Variants in CSF2RB observed in about 807,000 individuals in gnomAD.
CSF2RB encodes colony stimulating factor 2 receptor subunit beta.
Under a neutral mutation model 67.2 loss-of-function variants are expected in CSF2RB, and 22 were observed. The ratio of observed to expected loss-of-function variants is 0.33; its 90% CI spans 0.23 to 0.47. The LOEUF (loss-of-function observed/expected upper bound fraction) is 0.47, where lower values mean the gene tolerates loss of function less well. CSF2RB is among the 20% of genes least tolerant of loss of function. The pLI is 1.00. For missense variants in CSF2RB, 1,113 were observed against 1,174.5 expected (o/e 0.95, Z 0.76); for synonymous variants, 507 against 482.9 (o/e 1.05, Z -0.65).
chr22:36,923,467 C>T (rs1279351973), intron 3 of CSF2RB, 100 bp downstream of exon 3: 12 of 1,522,614 alleles, frequency 7.9e-6, no homozygotes, highest in East Asian at 4.8e-5. Flanking sequence ...AGGTCAGCCT[C>T]GGGGTGGGAG....
chr22:36,918,068 C>G (rs936565030), intron 1 of CSF2RB, among the ~76,000 whole-genome samples: 2 of 152,212 alleles, frequency 1.3e-5, no homozygotes, highest in East Asian at 3.8e-4. Context: ...AGCCTCACAG[C>G]AAACTCCCAC....
Position 36,939,440 on chromosome 22 carries a change from G to A in CSF2RB, c.*938G>A. The A allele has an allele frequency of 1.7e-6, 1 of 572,894 alleles. No individual in the cohort carries two copies. The highest frequency in any genetic ancestry group is 2.1e-5 in the South Asian group (1 of 48,022). 35.5% of individuals were successfully genotyped at this position (572,894 alleles called of 1,614,324 possible). ...GGTGGCCACTCTTCCAGATAGACCA[G>A]GCAACTCTCCCTCCCACCGGCCACA... On this transcript the variant is annotated 3_prime_UTR_variant, in exon 14 of 14. Coordinates refer to ENST00000403662, the MANE Select transcript of CSF2RB (RefSeq NM_000395.3).
intron 3 of CSF2RB, chr22:36,923,839 C>T (rs1429070328): frequency 6.4e-6 from 8 of 1,245,530 alleles, no homozygotes; most frequent in African/African-American, 4.6e-5. Context: ...GCCCTGGCCA[C>T]GGGGTAGACA....
At position 36,915,145 on chromosome 22, in the gene CSF2RB, T is replaced by G. The variant is rs192022898; in HGVS notation, c.-173+1468T>G. ...TGTCGCCCAGGCTGGAATGCAGTGGTGCAATCTTGGCTCACTGCAACCTCT... is the reference window on the plus strand; with the variant it reads ...TGTCGCCCAGGCTGGAATGCAGTGGGGCAATCTTGGCTCACTGCAACCTCT... On this transcript the variant is annotated intron_variant, in intron 1 of 13. Coordinates refer to ENST00000403662, the MANE Select transcript of CSF2RB (RefSeq NM_000395.3). Among the ~76,000 whole-genome samples the G allele has an allele frequency of 3.4e-4, 52 of 152,272 alleles. No homozygotes were observed. In the East Asian group the frequency reaches 9.4e-3, roughly 28 times the overall value.
intron 2 of CSF2RB, chr22:36,922,595 A>C: frequency 5.9e-6 from 3 of 511,470 alleles, no homozygotes; most frequent in Non-Finnish European, 7.1e-6. Context: ...CCCAGCAGAC[A>C]CTCTCTGTGC....
chr22:36,928,702 G>T (rs868056091), intron 4 of CSF2RB, among the ~76,000 whole-genome samples: 2 of 152,172 alleles, frequency 1.3e-5, no homozygotes, highest in Admixed American at 6.5e-5. Context: ...AGTTGCTTAC[G>T]CGTATTTGTT....
chr22:36,935,801 G>A, intron 12 of CSF2RB, 114 bp downstream of exon 12: 1 of 1,216,858 alleles, frequency 8.2e-7, no homozygotes, highest in Non-Finnish European at 1.2e-6. Context: ...GGATGTAGGT[G>A]GACTGGGCTT....
At chr22:36,934,055 A>G in intron 10 of CSF2RB, 61 bp downstream of exon 10, 1 of 1,597,626 alleles carries the variant, frequency 6.3e-7, no homozygotes, top group East Asian at 2.2e-5. Context: ...TCTCACTGCC[A>G]GAAAATCCCC....
rs573268853 is a variant in CSF2RB at position 36,926,107 on chromosome 22, C to T, written c.321C>T (p.Asp107=). 5.0e-5 allele frequency: 80 copies of T among 1,614,236 alleles called. No homozygotes were observed. Among genetic ancestry groups the T allele is most frequent in the African/African-American group, 2.0e-4 (15 of 75,060 alleles). Residue 107 remains aspartate, a synonymous_variant, in exon 4 of 14, where the codon GAC becomes GAT. Coordinates refer to ENST00000403662, the MANE Select transcript of CSF2RB (RefSeq NM_000395.3). ...CCTGCCAGAGTTTTGTCGTCACTGACGTTGACTACTTCTCATTCCAACCAG... is the reference window on the plus strand; with the variant it reads ...CCTGCCAGAGTTTTGTCGTCACTGATGTTGACTACTTCTCATTCCAACCAG... ...VIPCQSFVVT[D]VDYFSFQPDR...
intron 2 of CSF2RB, 149 bp downstream of exon 2, chr22:36,922,432 C>G (rs1156355792): frequency 1.7e-5 from 12 of 706,794 alleles, no homozygotes; most frequent in Non-Finnish European, 3.0e-5. Flanking sequence ...CCCTGGGCCT[C>G]CCCCGCTTCC....
At chr22:36,923,147 C>A (rs1262334835) in intron 2 of CSF2RB, 97 bp from the exon 3 acceptor site, 1 of 1,585,236 alleles carries the variant, frequency 6.3e-7, no homozygotes, top group Non-Finnish European at 8.6e-7. Flanking sequence ...CCTGGGAGAC[C>A]CCTCCCCAGA....
intron 2 of CSF2RB, chr22:36,922,625 G>T: frequency 2.2e-6 from 1 of 456,270 alleles, no homozygotes; most frequent in Non-Finnish European, 4.0e-6. Flanking sequence ...TCCCACCTCC[G>T]GGACTTTGCT....
intron 1 of CSF2RB, among the ~76,000 whole-genome samples, chr22:36,919,924 C>T (rs977582211): frequency 1.3e-5 from 2 of 152,076 alleles, no homozygotes; most frequent in Admixed American, 6.6e-5. Flanking sequence ...AATAGATGTG[C>T]GCTGTTTTGA....
At position 36,920,977 on chromosome 22, in the gene CSF2RB, T is replaced by C. The variant is rs113781371; in HGVS notation, c.-172-1059T>C. On this transcript the variant is annotated intron_variant, in intron 1 of 13. Transcript: ENST00000403662. ...AGTTTGTTTCCAGCCAGCATGTCCA[T>C]TGATAGATTCTGTGTGTGTGTATGT... 8.3e-3 allele frequency among the ~76,000 whole-genome samples: 1,074 copies of C among 129,522 alleles called. 12 individuals are homozygous for C. The highest frequency in any genetic ancestry group is 0.025 in the African/African-American group (1,010 of 40,138). The allele number at this position is 129,522 out of a possible 152,430, so 85.0% of individuals were successfully genotyped here.
At chr22:36,936,008 G>A (rs759934818) in intron 12 of CSF2RB, among the ~76,000 whole-genome samples, 5 of 152,174 alleles carry the variant, frequency 3.3e-5, no homozygotes, top group Non-Finnish European at 5.9e-5. Flanking sequence ...AGGCAGAAGG[G>A]CTCCCCAAGG....
intron 3 of CSF2RB, chr22:36,923,895 C>T: frequency 2.5e-6 from 2 of 790,586 alleles, no homozygotes; most frequent in South Asian, 3.0e-5. Flanking sequence ...GGGCTCCGCG[C>T]TCTCCCAGGC....
chr22:36,927,789 G>C (rs1188819903), intron 4 of CSF2RB, among the ~76,000 whole-genome samples: 1 of 152,204 alleles, frequency 6.6e-6, no homozygotes, highest in Non-Finnish European at 1.5e-5. Flanking sequence ...TGGGAAAGAA[G>C]TTGAAATTCA....
chr22:36,934,066 A>C, intron 10 of CSF2RB, 72 bp downstream of exon 10: 1 of 1,581,460 alleles, frequency 6.3e-7, no homozygotes, highest in Middle Eastern at 1.7e-4. Flanking sequence ...GAAAATCCCC[A>C]ATGCAGCAGC....
chr22:36,936,692 A>C, intron 13 of CSF2RB, 40 bp downstream of exon 13: 1 of 1,541,928 alleles, frequency 6.5e-7, no homozygotes, highest in Non-Finnish European at 8.9e-7. Context: ...TTTGGGGTTC[A>C]TACGGGGGGC....
Sources: gnomAD v4.1 joint callset for allele counts (sites outside exome capture counted in the v4.1 genomes callset) on GRCh38, gnomAD v4.1.1 for gene constraint, MANE v1.5 for transcripts, NCBI Gene and HGNC (gene_info 2026-07-23, HGNC 2026-07-21) for gene names.